The following TMEM245 variants were observed in gnomAD, a reference collection of about 807,000 sequenced individuals.
The protein encoded by TMEM245 is transmembrane protein 245.
TMEM245 carries 69 observed loss-of-function variants against 101.2 expected under a neutral mutation model. The observed-to-expected ratio is 0.68, with a 90% CI of 0.56 to 0.83. The LOEUF is 0.83. Ranked by LOEUF, TMEM245 falls within the 40% of genes least tolerant of loss-of-function variation. TMEM245 has a pLI of 0.00. For synonymous variants in TMEM245, 537 were observed against 449.8 expected (o/e 1.19, Z -2.45); for missense variants, 1,075 against 1,092.8 (o/e 0.98, Z 0.23).
chr9:109,054,418 C>A (rs1828775804), intron 12 of TMEM245, among the ~76,000 whole-genome samples: 2 of 152,138 alleles, frequency 1.3e-5, no homozygotes, highest in Admixed American at 1.3e-4. Flanking sequence ...AACTTACAAT[C>A]TAGTCCAGAA....
chr9:109,057,169 A>C (rs199681976), intron 12 of TMEM245, 22 bp downstream of exon 12: 1 of 1,604,104 alleles, frequency 6.2e-7, no homozygotes, highest in East Asian at 2.2e-5. Context: ...ACTTCAGCTT[A>C]ACTATAAATG....
At chr9:109,048,612 C>T (rs536397058) in intron 14 of TMEM245, among the ~76,000 whole-genome samples, 14 of 152,074 alleles carry the variant, frequency 9.2e-5, no homozygotes, top group African/African-American at 2.9e-4. Context: ...TAATTTGAGA[C>T]GTATTCATAA....
intron 1 of TMEM245, among the ~76,000 whole-genome samples, chr9:109,118,378 G>C (rs1830786246): frequency 6.6e-6 from 1 of 152,194 alleles, no homozygotes; most frequent in African/African-American, 2.4e-5. Context: ...CAAAAGAAGT[G>C]AATCAATTTG....
rs556977481 is a variant in TMEM245, at chr9:109,016,092, C to A, written c.*4368G>T. 6.6e-6 allele frequency: 1 copy of A among 152,650 alleles called. No individual in the cohort carries two copies. The highest frequency in any genetic ancestry group is 2.4e-5 in the African/African-American group (1 of 41,528). The allele number at this position is 152,650 out of a possible 1,614,324, so 9.5% of individuals were successfully genotyped here. ...AAAGAGTTGTAAACTTGATCAAGGG[C>A]CATGTTTCTCAAAGGACCCTGTAGT... is the stretch of plus-strand genomic sequence containing the variant. On this transcript the variant is annotated 3_prime_UTR_variant, in exon 18 of 18. Transcript: ENST00000374586.
intron 16 of TMEM245, 194 bp downstream of exon 16, chr9:109,036,012 C>CCA: frequency 4.0e-6 from 1 of 251,054 alleles, no homozygotes; most frequent in Non-Finnish European, 7.1e-6. Context: ...AAAAAAACCC[C>CCA]AAAATATCAT....
At chr9:109,023,797 C>G (rs912800107) in intron 17 of TMEM245, among the ~76,000 whole-genome samples, 1 of 149,666 alleles carries the variant, frequency 6.7e-6, no homozygotes, top group African/African-American at 2.5e-5. Context: ...GATCGCGCCA[C>G]TGCACTCCAG....
chr9:109,074,387 G>GT (rs1195354887), intron 8 of TMEM245, among the ~76,000 whole-genome samples: 3 of 152,144 alleles, frequency 2.0e-5, no homozygotes, highest in African/African-American at 7.2e-5. Flanking sequence ...ACAGAGAGGC[G>GT]TAACAGCTCA....
At position 109,015,142 on chromosome 9, in the gene TMEM245, T is replaced by C. The variant is rs906515549; in HGVS notation, c.*5318A>G. 5.9e-5 allele frequency: 9 copies of C among 152,148 alleles called. No individual in the cohort carries two copies. Among genetic ancestry groups the C allele is most frequent in the Admixed American group, 3.9e-4 (6 of 15,280 alleles). The allele number at this position is 152,148 out of a possible 1,614,324, so 9.4% of individuals were successfully genotyped here. A position where few individuals can be genotyped will look rare whatever the true frequency, so the allele number is the denominator to read the frequency against. On this transcript the variant is annotated 3_prime_UTR_variant, in exon 18 of 18. Coordinates refer to ENST00000374586, the MANE Select transcript of TMEM245 (RefSeq NM_032012.4). ...TTTTCAACACACAGGAGATTAAGTT[T>C]ACCACATGATTCATTCAACACTAGT...
At chr9:109,027,305 C>T (rs1271653162) in intron 17 of TMEM245, among the ~76,000 whole-genome samples, 3 of 151,288 alleles carry the variant, frequency 2.0e-5, no homozygotes, top group African/African-American at 7.3e-5. Flanking sequence ...AAGCAGCTGA[C>T]TCCACCCTCT....
At chr9:109,110,307 T>C (rs1022672487) in intron 1 of TMEM245, among the ~76,000 whole-genome samples, 2 of 152,134 alleles carry the variant, frequency 1.3e-5, no homozygotes, top group Non-Finnish European at 2.9e-5. Flanking sequence ...TTGATCCTCA[T>C]AACCCCACAA....
intron 3 of TMEM245, among the ~76,000 whole-genome samples, chr9:109,094,554 G>A (rs1021735531): frequency 2.6e-5 from 4 of 152,296 alleles, no homozygotes; most frequent in South Asian, 2.1e-4. Flanking sequence ...ACTTCACGGC[G>A]AGCAGCAGCA....
At chr9:109,093,449 T>C (rs746715666) in intron 4 of TMEM245, 26 bp downstream of exon 4, 23 of 1,581,194 alleles carry the variant, frequency 1.5e-5, no homozygotes, top group South Asian at 2.3e-5. Context: ...CAGAATAACC[T>C]TGAATGTCAC....
At chr9:109,036,134 A>C (rs950061434) in intron 16 of TMEM245, 72 bp downstream of exon 16, 1 of 1,352,694 alleles carries the variant, frequency 7.4e-7, no homozygotes, top group Non-Finnish European at 9.7e-7. Context: ...GGAGAAAAAA[A>C]TCCTCCTTTA....
At chr9:109,061,231 A>C (rs1333391558) in intron 10 of TMEM245, among the ~76,000 whole-genome samples, 1 of 152,106 alleles carries the variant, frequency 6.6e-6, no homozygotes, top group Non-Finnish European at 1.5e-5. Context: ...TGAGAGGATC[A>C]CCTGAGTCCA....
chr9:109,103,109 G>C (rs991876819), intron 3 of TMEM245, among the ~76,000 whole-genome samples: 3 of 152,190 alleles, frequency 2.0e-5, no homozygotes, highest in Non-Finnish European at 2.9e-5. Flanking sequence ...ATTCCAACCA[G>C]AGCAATCAGG....
chr9:109,037,442 T>C (rs533294091), intron 15 of TMEM245, among the ~76,000 whole-genome samples: 2 of 152,230 alleles, frequency 1.3e-5, no homozygotes, highest in African/African-American at 4.8e-5. Flanking sequence ...TGTCAAATTG[T>C]AATCCCCAAT....
At chr9:109,067,005 G>A (rs889467529) in intron 9 of TMEM245, among the ~76,000 whole-genome samples, 4 of 147,858 alleles carry the variant, frequency 2.7e-5, no homozygotes, top group South Asian at 4.3e-4. Flanking sequence ...GCAGTGAGCC[G>A]AGATCATGCC....
chr9:109,021,827 G>C (rs1363889116), intron 17 of TMEM245, among the ~76,000 whole-genome samples: 1 of 152,042 alleles, frequency 6.6e-6, no homozygotes, highest in Non-Finnish European at 1.5e-5. Context: ...CCCAAAAAAA[G>C]CAAGGAAGGG....
At chr9:109,089,600 G>A (rs1166131920) in intron 5 of TMEM245, among the ~76,000 whole-genome samples, 1 of 152,164 alleles carries the variant, frequency 6.6e-6, no homozygotes, top group Non-Finnish European at 1.5e-5. Context: ...ACAAAATATG[G>A]CTGCCATAAG....
Sources: gnomAD v4.1 joint callset for allele counts (sites outside exome capture counted in the v4.1 genomes callset) on GRCh38, gnomAD v4.1.1 for gene constraint, MANE v1.5 for transcripts, NCBI Gene and HGNC (gene_info 2026-07-23, HGNC 2026-07-21) for gene names.